The following TACC2 variants were observed in gnomAD, a reference collection of about 807,000 sequenced individuals.
The protein encoded by TACC2 is transforming acidic coiled-coil-containing protein 2.
Under a neutral mutation model 227.3 loss-of-function variants are expected in TACC2, and 137 were observed. That is an observed-to-expected ratio of 0.60 (90% CI 0.52 to 0.69). The LOEUF (loss-of-function observed/expected upper bound fraction) is 0.69. TACC2 is among the 30% of genes least tolerant of loss of function. The pLI is 0.00. For synonymous variants in TACC2, 1,523 were observed against 1,487.5 expected (o/e 1.02, Z -0.55); for missense variants, 3,470 against 3,694.4 (o/e 0.94, Z 1.57).
At chr10:122,030,127 A>G (rs1958761249) in intron 2 of TACC2, among the ~76,000 whole-genome samples, 1 of 150,208 alleles carries the variant, frequency 6.7e-6, no homozygotes, top group African/African-American at 2.4e-5. Flanking sequence ...GCTGAGGTTG[A>G]GAAACCCTAG....
At chr10:122,046,113 T>G (rs1446065112) in intron 2 of TACC2, among the ~76,000 whole-genome samples, 1 of 151,520 alleles carries the variant, frequency 6.6e-6, no homozygotes, top group African/African-American at 2.4e-5. Context: ...AAGCGGAGGT[T>G]GCAGTGAGCT....
rs570691129 is a variant in TACC2, at chr10:122,133,691, C to T, written c.5699+957C>T. 7.9e-5 allele frequency among the ~76,000 whole-genome samples: 12 copies of T among 152,306 alleles called. No individual in the cohort carries two copies. The East Asian group carries it at 1.9e-3, about 25-fold the overall frequency. ...AACTCATGGCCCAGTGACCCTTCCT[C>T]CCAGAAGCCTTCTCCCCACGCTGAG... is the stretch of plus-strand genomic sequence containing the variant. On this transcript the variant is annotated intron_variant, in intron 6 of 22. Transcript: ENST00000369005.
At position 122,089,111 on chromosome 10, in the gene TACC2, T is replaced by C. The variant is rs2080423321; in HGVS notation, c.5573+520T>C. The stretch of plus-strand genomic sequence containing the variant: ...TCCACCCTGGGTGACAGAGACCCTG[T>C]CTCAAAAAAAGAAAAGAATCTTTAT... On this transcript the variant is annotated intron_variant, in intron 5 of 22. Coordinates refer to ENST00000369005, the MANE Select transcript of TACC2 (RefSeq NM_206862.4). 2.0e-5 allele frequency among the ~76,000 whole-genome samples: 3 copies of C among 152,130 alleles called. No individual in the cohort carries two copies. In the South Asian group the frequency reaches 6.2e-4, roughly 32 times the overall value.
chr10:122,088,848 C>A, intron 5 of TACC2: 1 of 1,187,704 alleles, frequency 8.4e-7, no homozygotes, highest in Non-Finnish European at 1.2e-6. Context: ...AGTCTGGGTG[C>A]GGTGGCTCAT....
chr10:122,163,688 G>GCGCGCCGGCCACACTCGGGCA, intron 7 of TACC2: 1 of 1,075,766 alleles, frequency 9.3e-7, no homozygotes, highest in Non-Finnish European at 1.1e-6. Context: ...ACACTCGGGC[G>GCGCGCCGGCCACACTCGGGCA]CGCGCCGGCC....
chr10:122,103,234 A>G (rs1203368269), intron 5 of TACC2, among the ~76,000 whole-genome samples: 1 of 152,202 alleles, frequency 6.6e-6, no homozygotes, highest in East Asian at 1.9e-4. Context: ...TATAAGAAAT[A>G]ACCCACAGTT....
At chr10:122,171,527 C>T (rs2093472086) in intron 7 of TACC2, among the ~76,000 whole-genome samples, 2 of 152,184 alleles carry the variant, frequency 1.3e-5, no homozygotes, top group Admixed American at 6.5e-5. Context: ...CCAGAGTCTG[C>T]GGATGTTAGA....
chr10:122,056,374 C>T (rs2076212808), intron 3 of TACC2, among the ~76,000 whole-genome samples: 2 of 152,120 alleles, frequency 1.3e-5, no homozygotes, highest in African/African-American at 4.8e-5. Context: ...GGGGTTTCAC[C>T]ATGTTGGCCA....
chr10:122,245,356 C>T (rs539849707), intron 19 of TACC2, among the ~76,000 whole-genome samples: 2 of 152,192 alleles, frequency 1.3e-5, no homozygotes, highest in African/African-American at 4.8e-5. Context: ...CGGGGTAATT[C>T]TATTTTTAAA....
chr10:122,174,188 G>C (rs936126817), intron 7 of TACC2, among the ~76,000 whole-genome samples: 1 of 152,152 alleles, frequency 6.6e-6, no homozygotes, highest in Admixed American at 6.5e-5. Flanking sequence ...ATTTTACCTG[G>C]ACCAACAAGA....
intron 8 of TACC2, among the ~76,000 whole-genome samples, chr10:122,204,373 C>T (rs1055577499): frequency 6.6e-6 from 1 of 152,194 alleles, no homozygotes; most frequent in Non-Finnish European, 1.5e-5. Flanking sequence ...AGTCAGTAAC[C>T]GGCTGAGCCC....
At chr10:122,197,641 C>T (rs2094618544) in intron 8 of TACC2, among the ~76,000 whole-genome samples, 1 of 152,250 alleles carries the variant, frequency 6.6e-6, no homozygotes, top group Non-Finnish European at 1.5e-5. Flanking sequence ...CACAGCCCCT[C>T]AGAACCTTGG....
In TACC2 at chr10:122,237,530, A is replaced by G. The variant is rs1189176188; in HGVS notation, c.8263A>G (p.Arg2755Gly). The G allele has an allele frequency of 6.2e-7, 1 of 1,612,470 alleles. No homozygotes were observed. Among genetic ancestry groups the G allele is most frequent in the Non-Finnish European group, 8.5e-7 (1 of 1,179,142 alleles). The change falls in exon 17 of 23, where the codon AGA (arginine) becomes GGA (glycine). Residue 2755 changes from arginine (R) to glycine (G), a missense_variant. Coordinates refer to ENST00000369005, the MANE Select transcript of TACC2 (RefSeq NM_206862.4). ...CCTGGACTCTGCCCTCCAGATCGCC[A>G]GAGCAGAGGTATCGTGGCATGTGGT... is the stretch of plus-strand genomic sequence containing the variant. ...PDLDSALQIA[R>G]AEIITKEREV...
chr10:122,003,634 C>T (rs367555087), intron 1 of TACC2, among the ~76,000 whole-genome samples: 2 of 151,976 alleles, frequency 1.3e-5, no homozygotes, highest in African/African-American at 4.8e-5. Context: ...CGATAATAGC[C>T]CTTTCCAAAA....
rs192672064 is a variant in TACC2, at chr10:122,068,764, A to C, written c.147-13883A>C. On this transcript the variant is annotated intron_variant, in intron 3 of 22. Transcript: ENST00000369005. Reference sequence around the variant, plus strand: ...CTGCAACCTCCGCTTTCCGGGTTCAAGTGATTCTCCTGTCTCAGCCTCCTG... The same window carrying C: ...CTGCAACCTCCGCTTTCCGGGTTCACGTGATTCTCCTGTCTCAGCCTCCTG... 6.0e-3 allele frequency among the ~76,000 whole-genome samples: 906 copies of C among 151,566 alleles called. 4 individuals carry two copies. Among genetic ancestry groups the C allele is most frequent in the Middle Eastern group, 0.028 (8 of 290 alleles).
intron 2 of TACC2, among the ~76,000 whole-genome samples, chr10:122,036,647 T>C (rs1020890663): frequency 7.2e-5 from 11 of 151,996 alleles, no homozygotes; most frequent in Non-Finnish European, 8.8e-5. Flanking sequence ...ATTACAGGCG[T>C]GCACCATCAC....
chr10:122,195,891 G>A lies in TACC2; in HGVS notation c.5971+715G>A, dbSNP rs530001945. Among the ~76,000 whole-genome samples the A allele has an allele frequency of 6.6e-5, 10 of 152,244 alleles. No individual in the cohort carries two copies. In the East Asian group the frequency reaches 1.9e-3, roughly 30 times the overall value. ...ACAGGCTGGCCAGGGGGCCCAGGTG[G>A]TATTGTCCTTGGGCCTGGACAGCTC... On this transcript the variant is annotated intron_variant, in intron 8 of 22. Coordinates refer to ENST00000369005, the MANE Select transcript of TACC2 (RefSeq NM_206862.4).
intron 7 of TACC2, among the ~76,000 whole-genome samples, chr10:122,152,469 C>T (rs2092137608): frequency 6.6e-6 from 1 of 152,222 alleles, no homozygotes; most frequent in South Asian, 2.1e-4. Context: ...GTGGCCAGTA[C>T]ACATGTACTA....
intron 1 of TACC2, among the ~76,000 whole-genome samples, chr10:121,990,283 TA>T (rs1455296753): frequency 6.6e-6 from 1 of 151,996 alleles, no homozygotes; most frequent in Non-Finnish European, 1.5e-5. Context: ...ATTCAGCTAA[TA>T]TTTTTTATTT....
Sources: allele counts gnomAD v4.1 joint callset (sites outside exome capture counted in the v4.1 genomes callset), GRCh38; gene constraint gnomAD v4.1.1; transcripts MANE v1.5; gene names NCBI Gene and HGNC (gene_info 2026-07-23, HGNC 2026-07-21).